Variants in USP32 observed in about 807,000 individuals in gnomAD.
The protein encoded by USP32 is ubiquitin carboxyl-terminal hydrolase 32.
In USP32, 59 loss-of-function variants were observed where a neutral mutation model predicts 204.8. That is an observed-to-expected ratio of 0.29 (90% CI 0.23 to 0.36). The LOEUF (loss-of-function observed/expected upper bound fraction) is 0.36. Ranked by LOEUF, USP32 falls within the 10% of genes least tolerant of loss-of-function variation. USP32 has a pLI of 1.00. For synonymous variants in USP32, 517 were observed against 678.4 expected, an observed-to-expected ratio of 0.76 and a Z score of 3.70; for missense variants, 1,160 against 1,946.4, an observed-to-expected ratio of 0.60 and a Z score of 7.60.
intron 11 of USP32, among the ~76,000 whole-genome samples, chr17:60,238,153 G>A (rs1242722049): frequency 6.6e-6 from 1 of 152,082 alleles, no homozygotes; most frequent in Non-Finnish European, 1.5e-5. Context: ...GACTAATTAC[G>A]TTGAGCATCT....
rs543380498 is a variant in USP32 at position 60,352,184 on chromosome 17, T to C, written c.59-6576A>G. ...TTTCAGTTTCCCTTGCAACTAGAAA[T>C]GGCCAATGAAATGCAGTAGAAATGA... is the stretch of plus-strand genomic sequence containing the variant. On this transcript the variant is annotated intron_variant, in intron 1 of 33. Transcript: ENST00000300896. 2.0e-4 allele frequency among the ~76,000 whole-genome samples: 31 copies of C among 152,294 alleles called. No homozygotes were observed. In the South Asian group the frequency reaches 6.2e-3, roughly 31 times the overall value.
chr17:60,236,284 A>G, intron 11 of USP32, 44 bp from the exon 12 acceptor site: 1 of 1,511,486 alleles, frequency 6.6e-7, no homozygotes, highest in Non-Finnish European at 9.2e-7. Context: ...AAAGTGTGAA[A>G]TAGGTGGCAA....
chr17:60,234,348 C>T (rs1197379168), intron 12 of USP32, among the ~76,000 whole-genome samples: 1 of 151,040 alleles, frequency 6.6e-6, no homozygotes, highest in Non-Finnish European at 1.5e-5. Flanking sequence ...CTCCCGACCT[C>T]GTGATCCGCC....
rs549543199 is a variant in USP32 at position 60,201,350 on chromosome 17, G to C, written c.3250-2906C>G. ...CATTTTGGGGCTACTATAGATAATG[G>C]TGCTACGAATATTCTTGTACATATC... On this transcript the variant is annotated intron_variant, in intron 26 of 33. Coordinates refer to ENST00000300896, the MANE Select transcript of USP32 (RefSeq NM_032582.4). Among the ~76,000 whole-genome samples, 20 of 152,218 alleles carry C rather than the reference G, an allele frequency of 1.3e-4. No individual in the cohort carries two copies. In the South Asian group the frequency reaches 3.9e-3, roughly 30 times the overall value.
At chr17:60,392,453 T>C (rs1254845977), upstream of USP32, 1 of 223,454 alleles carries the variant, frequency 4.5e-6, no homozygotes, top group African/African-American at 2.4e-5. Flanking sequence ...CGACGGGGGG[T>C]GGTGACTTCC....
intron 1 of USP32, among the ~76,000 whole-genome samples, chr17:60,415,136 C>T (rs2090050332): frequency 6.6e-6 from 1 of 152,166 alleles, no homozygotes; most frequent in Non-Finnish European, 1.5e-5. Flanking sequence ...CTTGCTTAGT[C>T]TCACTTGCAG....
intron 1 of USP32, among the ~76,000 whole-genome samples, chr17:60,365,469 G>A (rs906260703): frequency 6.6e-6 from 1 of 151,844 alleles, no homozygotes; most frequent in Admixed American, 6.6e-5. Flanking sequence ...GTGACAGAGC[G>A]AGACTCCATC....
chr17:60,208,795 T>C lies in USP32; in HGVS notation c.2632A>G (p.Ile878Val), dbSNP rs1172179224. Residue 878 changes from isoleucine to valine, a missense_variant, in exon 23 of 34, where the codon ATT (isoleucine) becomes GTT (valine). Physicochemically the swap from Ile to Val is conservative, Grantham distance 29. Around this residue, in one of 8 missense-constraint regions of USP32, gnomAD observed 132 missense variants for 432.8 expected, o/e 0.30. Transcript: ENST00000300896. The stretch of plus-strand genomic sequence containing the variant: ...TGCCCATGGAACAAATCCACAACAA[T>C]TGATCTATTTCTTCTTAGATGGTTG... ...WDNHLRRNRS[I>V]VVDLFHGQLR... 6 of 1,604,478 alleles carry C rather than the reference T, an allele frequency of 3.7e-6. No homozygotes were observed. Among genetic ancestry groups the C allele is most frequent in the South Asian group, 1.1e-5 (1 of 88,742 alleles).
At position 60,179,333 on chromosome 17, in the gene USP32, A is replaced by T. The variant is rs2084040231; in HGVS notation, c.4737T>A (p.Asp1579Glu). The change falls in exon 34 of 34, where the codon GAT (aspartate) becomes GAA (glutamate). Residue 1579 changes from aspartate to glutamate, a missense_variant. By Grantham distance (45) the Asp-to-Glu change is conservative (BLOSUM62 2). Coordinates refer to ENST00000300896, the MANE Select transcript of USP32 (RefSeq NM_032582.4). Reference protein sequence around the residue: ...IDYAQFLPKTDGKKMADTSSM... With the variant: ...IDYAQFLPKTEGKKMADTSSM... ...TGCTTGTGTCTGCCATCTTTTTGCC[A>T]TCAGTCTTTGGCAGAAATTGTGCAT... 2 of 1,613,786 alleles carry T rather than the reference A, an allele frequency of 1.2e-6. No individual in the cohort carries two copies. The highest frequency in any genetic ancestry group is 1.7e-6 in the Non-Finnish European group (2 of 1,179,868).
intron 3 of USP32, among the ~76,000 whole-genome samples, chr17:60,300,825 C>G (rs2087555889): frequency 6.6e-6 from 1 of 152,162 alleles, no homozygotes; most frequent in African/African-American, 2.4e-5. Context: ...AAACCCTGTA[C>G]CCATTAGCAG....
At chr17:60,298,655 G>A (rs1423929794) in intron 3 of USP32, among the ~76,000 whole-genome samples, 1 of 152,066 alleles carries the variant, frequency 6.6e-6, no homozygotes, top group Non-Finnish European at 1.5e-5. Flanking sequence ...TACCTGTCCT[G>A]TATTTTTAAT....
chr17:60,208,604 T>G, intron 23 of USP32, 50 bp downstream of exon 23: 1 of 1,456,778 alleles, frequency 6.9e-7, no homozygotes, highest in South Asian at 1.6e-5. Flanking sequence ...GCTATTTAAA[T>G]AAAGTAAATT....
At chr17:60,341,077 A>C (rs1268576964) in intron 2 of USP32, among the ~76,000 whole-genome samples, 1 of 151,848 alleles carries the variant, frequency 6.6e-6, no homozygotes, top group African/African-American at 2.4e-5. Flanking sequence ...GGGTAACTCG[A>C]CCTTTCTCTC....
Position 60,236,905 on chromosome 17 carries a change from T to C in USP32, c.1137-665A>G, listed in dbSNP as rs545455883. Reference sequence around the variant, plus strand: ...GCGTGTTTTTGTGGTTCATCTATTATTGTGGCAGACATCAGTTGGTTGTGC... The same window carrying C: ...GCGTGTTTTTGTGGTTCATCTATTACTGTGGCAGACATCAGTTGGTTGTGC... On this transcript the variant is annotated intron_variant, in intron 11 of 33. Coordinates refer to ENST00000300896, the MANE Select transcript of USP32 (RefSeq NM_032582.4). 5.3e-5 allele frequency among the ~76,000 whole-genome samples: 8 copies of C among 152,324 alleles called. No homozygotes were observed. The East Asian group carries it at 1.5e-3, about 29-fold the overall frequency.
chr17:60,327,421 G>A (rs376168632), intron 2 of USP32, among the ~76,000 whole-genome samples: 1 of 151,988 alleles, frequency 6.6e-6, no homozygotes, highest in Non-Finnish European at 1.5e-5. Context: ...GGGGCGGGGG[G>A]GAGGCGGAGC....
intron 12 of USP32, among the ~76,000 whole-genome samples, chr17:60,233,147 A>AT (rs2085619159): frequency 6.6e-6 from 1 of 152,190 alleles, no homozygotes; most frequent in Non-Finnish European, 1.5e-5. Flanking sequence ...ATAGCTACCT[A>AT]TTTAGTACTT....
At chr17:60,331,490 G>A (rs894130631) in intron 2 of USP32, among the ~76,000 whole-genome samples, 1 of 151,258 alleles carries the variant, frequency 6.6e-6, no homozygotes, top group Non-Finnish European at 1.5e-5. Flanking sequence ...ACTTGAGCCT[G>A]GGGAGGTCAA....
intron 2 of USP32, among the ~76,000 whole-genome samples, chr17:60,310,087 CA>C (rs1284974546): frequency 6.6e-6 from 1 of 151,842 alleles, no homozygotes; most frequent in African/African-American, 2.4e-5. Flanking sequence ...CAGGCAATAA[CA>C]AATGCTGGTG....
Position 60,181,762 on chromosome 17 carries a change from A to G in USP32, c.4124-14T>C. The G allele has an allele frequency of 6.3e-7, 1 of 1,589,288 alleles. No individual in the cohort carries two copies. Among genetic ancestry groups the G allele is most frequent in the Non-Finnish European group, 8.6e-7 (1 of 1,169,132 alleles). On this transcript the variant is annotated splice_polypyrimidine_tract_variant and intron_variant, in intron 31 of 33. Coordinates refer to ENST00000300896, the MANE Select transcript of USP32 (RefSeq NM_032582.4). ...AAGAAGGAGAACCTGTGAACAGGAC[A>G]GAAGAAAAGATTCACAAATTCAAAT...
Sources: gnomAD v4.1 joint callset for allele counts (sites outside exome capture counted in the v4.1 genomes callset) on GRCh38, gnomAD v4.1.1 for gene constraint, gnomAD v4.1.1 regional missense constraint, MANE v1.5 for transcripts, NCBI Gene and HGNC (gene_info 2026-07-23, HGNC 2026-07-21) for gene names.